LEPR: variants seen among roughly 807,000 people sequenced by gnomAD.
The protein encoded by LEPR is OB receptor.
Under a neutral mutation model 114.7 loss-of-function variants are expected in LEPR, and 56 were observed. The observed-to-expected ratio is 0.49, with a 90% CI of 0.39 to 0.61. The LOEUF (loss-of-function observed/expected upper bound fraction) is 0.61, where lower values mean the gene tolerates loss of function less well. Ranked by LOEUF, LEPR falls within the 20% of genes least tolerant of loss-of-function variation. LEPR has a pLI of 0.00. For synonymous variants in LEPR, 443 were observed against 461.4 expected, an observed-to-expected ratio of 0.96 and a Z score of 0.51; for missense variants, 1,202 against 1,352.9, an observed-to-expected ratio of 0.89 and a Z score of 1.75.
At chr1:65,563,743 C>A (rs1323851556) in intron 2 of LEPR, among the ~76,000 whole-genome samples, 668 of 86,960 alleles carry the variant, frequency 7.7e-3, no homozygotes, top group Middle Eastern at 0.011. Flanking sequence ...GTGTGGATGT[C>A]CTTTCTGTTT....
At chr1:65,536,781 A>G (rs1650807360) in intron 2 of LEPR, among the ~76,000 whole-genome samples, 1 of 152,138 alleles carries the variant, frequency 6.6e-6, no homozygotes, top group Non-Finnish European at 1.5e-5. Context: ...AATATTTGTG[A>G]TACAGCAATT....
Position 65,572,317 on chromosome 1 carries a change from T to TA in LEPR, c.371-6dup, listed in dbSNP as rs763757340. The TA allele has an allele frequency of 3.3e-6, 4 of 1,223,884 alleles. No homozygotes were observed. In the South Asian group the frequency reaches 4.3e-5, roughly 13 times the overall value. 75.8% of individuals were successfully genotyped at this position (1,223,884 alleles called of 1,614,324 possible). A position where few individuals can be genotyped will look rare whatever the true frequency, so the allele number is the denominator to read the frequency against. On this transcript the variant is annotated splice_polypyrimidine_tract_variant and intron_variant, in intron 4 of 19. Transcript: ENST00000349533. ...TTTTTTTTTTTTTTTTTTTTTTTTT[T>TA]AAATTCAGATGCAAACTGGAACATA...
At chr1:65,492,502 A>C (rs1315530631) in intron 2 of LEPR, among the ~76,000 whole-genome samples, 1 of 152,106 alleles carries the variant, frequency 6.6e-6, no homozygotes, top group African/African-American at 2.4e-5. Context: ...TTCTTACTCA[A>C]GTCACTGAAA....
At chr1:65,624,834 A>G (rs1322293479) in intron 19 of LEPR, among the ~76,000 whole-genome samples, 1 of 152,190 alleles carries the variant, frequency 6.6e-6, no homozygotes, top group East Asian at 1.9e-4. Flanking sequence ...ACAAAGAAAA[A>G]GATTGAATTG....
chr1:65,497,001 T>TATAC (rs898987055), intron 2 of LEPR, among the ~76,000 whole-genome samples: 29 of 151,654 alleles, frequency 1.9e-4, no homozygotes, highest in South Asian at 4.2e-4. Flanking sequence ...TATATATATA[T>TATAC]ACACACACAC....
At chr1:65,523,865 T>G (rs1649768906) in intron 2 of LEPR, among the ~76,000 whole-genome samples, 1 of 152,210 alleles carries the variant, frequency 6.6e-6, no homozygotes, top group East Asian at 1.9e-4. Flanking sequence ...AATCTCGAGA[T>G]GAGACCATCC....
intron 2 of LEPR, among the ~76,000 whole-genome samples, chr1:65,532,925 C>T (rs1271461258): frequency 6.6e-6 from 1 of 152,114 alleles, no homozygotes. Context: ...CTGTTAGATA[C>T]ATTCACTCAA....
chr1:65,470,186 A>G lies in LEPR; in HGVS notation c.-21+44808A>G, dbSNP rs913977727. On this transcript the variant is annotated intron_variant, in intron 2 of 19. Coordinates refer to ENST00000349533, the MANE Select transcript of LEPR (RefSeq NM_002303.6). ...CCTAAACAATAGCATTCTATTTTAA[A>G]CACTTATTGTGCCAATGTTGACATT... Among the ~76,000 whole-genome samples the G allele has an allele frequency of 5.3e-5, 8 of 152,350 alleles. No homozygotes were observed. The East Asian group carries it at 1.3e-3, about 26-fold the overall frequency.
chr1:65,537,144 C>T lies in LEPR; in HGVS notation c.-20-28402C>T, dbSNP rs546433915. 1.2e-4 allele frequency among the ~76,000 whole-genome samples: 19 copies of T among 152,312 alleles called. No homozygotes were observed. In the South Asian group the frequency reaches 3.9e-3, roughly 32 times the overall value. ...ATCTTAAAACAGAAGACATACAATA[C>T]TACTCTCTTCCTTTGTATTTCCTGT... On this transcript the variant is annotated intron_variant, in intron 2 of 19. Transcript: ENST00000349533.
intron 5 of LEPR, 117 bp downstream of exon 5, chr1:65,572,566 AT>A: frequency 1.9e-6 from 2 of 1,052,108 alleles, no homozygotes; most frequent in Non-Finnish European, 1.3e-6. Context: ...TATATGTTTT[AT>A]TTTTTAATAT....
At chr1:65,583,463 A>T (rs1221045770) in intron 5 of LEPR, among the ~76,000 whole-genome samples, 2 of 152,120 alleles carry the variant, frequency 1.3e-5, no homozygotes, top group African/African-American at 4.8e-5. Flanking sequence ...GAGAGACCTT[A>T]ATGGGTATCA....
intron 2 of LEPR, chr1:65,432,518 C>T (rs1233056497): frequency 1.4e-6 from 1 of 713,908 alleles, no homozygotes; most frequent in African/African-American, 1.9e-5. Flanking sequence ...CTTATCTTTC[C>T]AGTGGCTAAA....
At chr1:65,550,154 G>C (rs182732072) in intron 2 of LEPR, among the ~76,000 whole-genome samples, 1 of 152,192 alleles carries the variant, frequency 6.6e-6, no homozygotes, top group African/African-American at 2.4e-5. Flanking sequence ...GAATGCTGCT[G>C]TCTGATCCTT....
chr1:65,600,245 A>G (rs2100929015), intron 8 of LEPR, among the ~76,000 whole-genome samples: 1 of 152,282 alleles, frequency 6.6e-6, no homozygotes, highest in Middle Eastern at 3.4e-3. Context: ...TAAGTAATGT[A>G]CAAGTGAAGC....
chr1:65,637,032 T>C lies in LEPR; in HGVS notation c.*17T>C. On this transcript the variant is annotated 3_prime_UTR_variant, in exon 20 of 20. Transcript: ENST00000349533. ...ACTGTGTAATTTCACTGAAGAAACC[T>C]TCAGATTTGTGTTATAATGGGTAAT... The C allele has an allele frequency of 6.2e-7, 1 of 1,610,410 alleles. No individual in the cohort carries two copies. Among genetic ancestry groups the C allele is most frequent in the Non-Finnish European group, 8.5e-7 (1 of 1,178,504 alleles).
chr1:65,511,063 G>T (rs1447687769), intron 2 of LEPR, among the ~76,000 whole-genome samples: 1 of 152,084 alleles, frequency 6.6e-6, no homozygotes, highest in African/African-American at 2.4e-5. Flanking sequence ...TAGAGCTAAA[G>T]AAAAATTGCA....
rs1310380472 is a variant in LEPR, at chr1:65,622,918, A to G, written c.2610A>G (p.Leu870=). 1.9e-6 allele frequency: 3 copies of G among 1,614,022 alleles called. No homozygotes were observed. Among genetic ancestry groups the G allele is most frequent in the South Asian group, 2.2e-5 (2 of 91,078 alleles). The change falls in exon 19 of 20, where the codon CTA becomes CTG. Residue 870 remains leucine (L), a synonymous_variant. Transcript: ENST00000349533. The part of the protein sequence containing the change: ...LLISHQRMKK[L]FWEDVPNPKN... ...TTATCCTTTGTAGAATGAAAAAGCT[A>G]TTTTGGGAAGATGTTCCGAACCCCA... is the stretch of plus-strand genomic sequence containing the variant.
In LEPR at chr1:65,610,262, T is replaced by C. The variant is rs777166726; in HGVS notation, c.1961T>C (p.Met654Thr). Residue 654 changes from methionine to threonine, a missense_variant, in exon 14 of 20, where the codon ATG becomes ACG. By Grantham distance (81) the Met-to-Thr change is moderately conservative (BLOSUM62 -1). Transcript: ENST00000349533. ...TGGAGAATAATTAATGGAGATACTA[T>C]GAAAAAGGAGAAAAATGTCACTTTA... ...EFWRIINGDT[M>T]KKEKNVTLLW... The C allele has an allele frequency of 6.2e-7, 1 of 1,613,722 alleles. No homozygotes were observed. The highest frequency in any genetic ancestry group is 2.2e-5 in the East Asian group (1 of 44,864).
chr1:65,514,056 C>T (rs752381637), intron 2 of LEPR, among the ~76,000 whole-genome samples: 5 of 152,150 alleles, frequency 3.3e-5, no homozygotes, highest in Non-Finnish European at 7.4e-5. Context: ...TTTTAGTCCA[C>T]GTTCTGTTGT....
Sources: gnomAD v4.1 joint callset for allele counts (sites outside exome capture counted in the v4.1 genomes callset) on GRCh38, gnomAD v4.1.1 for gene constraint, MANE v1.5 for transcripts, NCBI Gene and HGNC (gene_info 2026-07-23, HGNC 2026-07-21) for gene names.